The following NUP210L variants were observed in gnomAD, a reference collection of about 807,000 sequenced individuals.
The protein encoded by NUP210L is nuclear pore membrane glycoprotein 210-like.
In NUP210L, 74 loss-of-function variants were observed where a neutral mutation model predicts 208.5. That is an observed-to-expected ratio of 0.35 (90% CI 0.29 to 0.43). NUP210L has a LOEUF of 0.43. Among genes scored for constraint, NUP210L ranks in the 20% least tolerant of loss-of-function variants. NUP210L has a pLI of 1.00. For missense variants in NUP210L, 1,843 were observed against 2,289.4 expected (o/e 0.81, Z 3.98); for synonymous variants, 780 against 816.9 (o/e 0.95, Z 0.77).
intron 16 of NUP210L, among the ~76,000 whole-genome samples, chr1:154,087,681 C>T (rs1655695445): frequency 6.6e-6 from 1 of 152,122 alleles, no homozygotes; most frequent in Admixed American, 6.5e-5. Context: ...AAGGTGGAAA[C>T]AACACATATA....
intron 27 of NUP210L, among the ~76,000 whole-genome samples, chr1:154,034,947 T>C (rs913076304): frequency 6.6e-6 from 1 of 151,942 alleles, no homozygotes. Flanking sequence ...GTTCAAGTGA[T>C]TCTCCTGCCT....
At chr1:154,141,328 C>T (rs1186605296) in intron 4 of NUP210L, 103 bp downstream of exon 4, 7 of 738,112 alleles carry the variant, frequency 9.5e-6, no homozygotes, top group Non-Finnish European at 1.7e-5. Context: ...AAGTAGATAG[C>T]AGGGTCATCA....
chr1:154,095,009 G>T (rs1256984745), exon 15 of NUP210L: 2 of 1,614,122 alleles, frequency 1.2e-6, no homozygotes. Context: ...AGCCACACTT[G>T]TGCTATTCCA....
chr1:154,021,271 C>G (rs1163434780), intron 32 of NUP210L, among the ~76,000 whole-genome samples: 1 of 152,150 alleles, frequency 6.6e-6, no homozygotes, highest in Admixed American at 6.6e-5. Flanking sequence ...GTACTTAGGA[C>G]AGAAATGCTT....
chr1:154,025,558 G>C, exon 30 of NUP210L: 1 of 1,610,028 alleles, frequency 6.2e-7, no homozygotes. Flanking sequence ...CCCAGTTATG[G>C]TTGTTTGGTT....
At chr1:154,066,807 T>C (rs1044833238) in intron 17 of NUP210L, among the ~76,000 whole-genome samples, 13 of 152,086 alleles carry the variant, frequency 8.5e-5, no homozygotes, top group African/African-American at 2.9e-4. Context: ...GAGAATACTA[T>C]AAACACCTCT....
intron 34 of NUP210L, among the ~76,000 whole-genome samples, chr1:154,011,272 A>G (rs1278955644): frequency 7.0e-6 from 1 of 143,626 alleles, no homozygotes; most frequent in African/African-American, 2.6e-5. Flanking sequence ...CGCCCAGGCC[A>G]GAGTGCAGTG....
chr1:154,010,102 C>G, exon 35 of NUP210L: 1 of 1,613,584 alleles, frequency 6.2e-7, no homozygotes, highest in South Asian at 1.1e-5. Flanking sequence ...TGGCCAAGGC[C>G]TGGTTTGGGG....
intron 13 of NUP210L, among the ~76,000 whole-genome samples, chr1:154,102,137 T>G (rs1656504332): frequency 6.6e-6 from 1 of 151,698 alleles, no homozygotes. Flanking sequence ...GGTGATGGAG[T>G]GAGATTCCAT....
chr1:154,014,141 C>T (rs1651116124), intron 33 of NUP210L, among the ~76,000 whole-genome samples: 1 of 152,104 alleles, frequency 6.6e-6, no homozygotes, highest in Non-Finnish European at 1.5e-5. Context: ...ATTCAAGAAC[C>T]TTAAAACCCA....
intron 16 of NUP210L, among the ~76,000 whole-genome samples, chr1:154,088,201 G>A (rs561829451): frequency 6.6e-6 from 1 of 152,154 alleles, no homozygotes; most frequent in East Asian, 1.9e-4. Context: ...TAGCCAGCAT[G>A]GTGGCACACA....
chr1:154,111,896 T>C (rs1274774866), intron 12 of NUP210L, among the ~76,000 whole-genome samples: 1 of 151,516 alleles, frequency 6.6e-6, no homozygotes, highest in Non-Finnish European at 1.5e-5. Context: ...TGACAAAATA[T>C]TAGTAAACCA....
chr1:154,063,600 C>A (rs1654248092), intron 17 of NUP210L, among the ~76,000 whole-genome samples: 1 of 152,092 alleles, frequency 6.6e-6, no homozygotes, highest in Non-Finnish European at 1.5e-5. Context: ...CATCTATTTA[C>A]CTTTGTAATC....
At chr1:154,081,422 A>C (rs1655317860) in intron 16 of NUP210L, among the ~76,000 whole-genome samples, 1 of 152,164 alleles carries the variant, frequency 6.6e-6, no homozygotes, top group African/African-American at 2.4e-5. Context: ...AACCTTTGGA[A>C]TTTCTTGAGT....
exon 37 of NUP210L, chr1:154,001,016 G>A: frequency 6.2e-7 from 1 of 1,613,252 alleles, no homozygotes; most frequent in Non-Finnish European, 8.5e-7. Context: ...TGAGGGGAGA[G>A]TGGCTATGGC....
At chr1:154,003,607 A>G (rs150438157) in intron 35 of NUP210L, among the ~76,000 whole-genome samples, 53 of 151,606 alleles carry the variant, frequency 3.5e-4, no homozygotes, top group African/African-American at 1.2e-3. Context: ...GGCTCAAGCA[A>G]TCTTCCTGCC....
intron 17 of NUP210L, among the ~76,000 whole-genome samples, chr1:154,064,190 A>C (rs1654282361): frequency 6.6e-6 from 1 of 151,872 alleles, no homozygotes; most frequent in African/African-American, 2.4e-5. Flanking sequence ...GAGCCAATGC[A>C]CCTGGCCTAA....
chr1:154,132,451 C>T (rs1658307177), intron 7 of NUP210L, among the ~76,000 whole-genome samples: 1 of 152,156 alleles, frequency 6.6e-6, no homozygotes, highest in African/African-American at 2.4e-5. Flanking sequence ...ACTGAACTCG[C>T]TATCTTTTTC....
exon 10 of NUP210L, chr1:154,126,411 G>C: frequency 6.2e-7 from 1 of 1,613,210 alleles, no homozygotes; most frequent in Non-Finnish European, 8.5e-7. Flanking sequence ...ATTCACGGTA[G>C]TTAGTTGCTC....
Sources: allele counts gnomAD v4.1 joint callset (sites outside exome capture counted in the v4.1 genomes callset), GRCh38; gene constraint gnomAD v4.1.1; transcripts MANE v1.5; gene names NCBI Gene and HGNC (gene_info 2026-07-23, HGNC 2026-07-21).